The following RAB24 variants were observed in gnomAD, a reference collection of about 807,000 sequenced individuals.
RAB24 encodes the protein ras-related protein Rab-24.
A neutral mutation model predicts 31.4 loss-of-function variants in RAB24; 9 were observed. That is an observed-to-expected ratio of 0.29 (90% CI 0.17 to 0.50). The LOEUF (loss-of-function observed/expected upper bound fraction) is 0.50. Ranked by LOEUF, RAB24 falls within the 20% of genes least tolerant of loss-of-function variation. The pLI, the probability that RAB24 is intolerant of heterozygous loss-of-function variation, is 0.98. For synonymous variants in RAB24, 106 were observed against 94.1 expected (o/e 1.13, Z -0.73); for missense variants, 197 against 265.2 (o/e 0.74, Z 1.79).
Position 177,302,755 on chromosome 5 carries a change from A to C in RAB24, c.262T>G (p.Tyr88Asp). Residue 88 changes from tyrosine to aspartate, a missense_variant, in exon 3 of 8, where the codon TAT becomes GAT. Physicochemically the swap from Tyr to Asp is radical, Grantham distance 160. Transcript: ENST00000303251. ...YRGAKAAIVC[Y>D]DLTDSSSFER... ...CCCAAACCCCCCCCCCCCTTACCAT[A>C]GCAGACGATGGCAGCCTTGGCACCC... The C allele has an allele frequency of 8.2e-6, 5 of 612,272 alleles. No homozygotes were observed. The highest frequency in any genetic ancestry group is 4.6e-5 in the East Asian group (1 of 21,570). 37.9% of individuals were successfully genotyped at this position (612,272 alleles called of 1,614,324 possible).
intron 2 of RAB24, 32 bp downstream of exon 2, chr5:177,302,977 G>A (rs776195041): frequency 1.3e-5 from 21 of 1,609,520 alleles, no homozygotes; most frequent in East Asian, 2.2e-5. Flanking sequence ...TCAGGAATGA[G>A]TCTCCCAAGA....
chr5:177,301,722 C>T lies in RAB24; in HGVS notation c.*21G>A. On this transcript the variant is annotated 3_prime_UTR_variant, in exon 8 of 8. Transcript: ENST00000303251. ...CTTACGGGGAATTCCTTTAATTCCC[C>T]CAGGCCAGGTGAGTGCTGACTCAGT... The T allele has an allele frequency of 6.2e-7, 1 of 1,613,832 alleles. No individual in the cohort carries two copies. Among genetic ancestry groups the T allele is most frequent in the African/African-American group, 1.3e-5 (1 of 75,040 alleles).
At position 177,301,812 on chromosome 5, in the gene RAB24, CAAAA is replaced by C. The variant is rs1760663118; in HGVS notation, c.548-9_548-6del. 6.2e-7 allele frequency: 1 copy of C among 1,614,074 alleles called. No homozygotes were observed. The highest frequency in any genetic ancestry group is 1.3e-5 in the African/African-American group (1 of 74,922). On this transcript the variant is annotated splice_region_variant and splice_polypyrimidine_tract_variant and intron_variant, in intron 7 of 7. Transcript: ENST00000303251. ...CCAGATCCACGCCCTTGTCCTCTGT[CAAAA>C]AGAGAGGTGGCAGCTCAGCACCATT...
At position 177,302,659 on chromosome 5, in the gene RAB24, T is replaced by A; in HGVS notation, c.266-15A>T. 1 of 1,613,938 alleles carries A rather than the reference T, an allele frequency of 6.2e-7. No individual in the cohort carries two copies. On this transcript the variant is annotated splice_polypyrimidine_tract_variant and intron_variant, in intron 3 of 7. Coordinates refer to ENST00000303251, the MANE Select transcript of RAB24 (RefSeq NM_001031677.4). ...GTCTGTGAGGTCTTGGTGTGCGGCA[T>A]GCAGGAGACAACCAAGTGGTCAAGG...
rs1203602589 is a variant in RAB24 at position 177,301,654 on chromosome 5, A to G, written c.*89T>C. On this transcript the variant is annotated 3_prime_UTR_variant, in exon 8 of 8. Coordinates refer to ENST00000303251, the MANE Select transcript of RAB24 (RefSeq NM_001031677.4). ...CTGACATGAGGACCTGGGGTAGCTC[A>G]GACATTTGACTACCCAAGCCCAGAA... is the stretch of plus-strand genomic sequence containing the variant. The G allele has an allele frequency of 5.4e-6, 8 of 1,473,590 alleles. No individual in the cohort carries two copies. In the Admixed American group the frequency reaches 1.0e-4, roughly 19 times the overall value. 91.3% of individuals were successfully genotyped at this position (1,473,590 alleles called of 1,614,324 possible).
In RAB24 at chr5:177,301,359, A is replaced by G. The variant is rs566995271; in HGVS notation, c.*384T>C. The G allele has an allele frequency of 9.2e-6, 2 of 216,554 alleles. No individual in the cohort carries two copies. Among genetic ancestry groups the G allele is most frequent in the African/African-American group, 4.6e-5 (2 of 43,264 alleles). 13.4% of individuals were successfully genotyped at this position (216,554 alleles called of 1,614,324 possible). ...CCAAAGGAAAATGAGAGTTGGGAGG[A>G]GCCTTAATATAAGCAGTGAGGCCAG... is the stretch of plus-strand genomic sequence containing the variant. On this transcript the variant is annotated 3_prime_UTR_variant, in exon 8 of 8. Transcript: ENST00000303251.
In RAB24 at chr5:177,301,570, CCA is replaced by C. The variant is rs1663230093; in HGVS notation, c.*171_*172del. On this transcript the variant is annotated 3_prime_UTR_variant, in exon 8 of 8. Coordinates refer to ENST00000303251, the MANE Select transcript of RAB24 (RefSeq NM_001031677.4). ...AAATCAGCCTTATCCCTCCTCATGC[CCA>C]CAGTCAGCCCAATGCTGTCTCCGTT... 1 of 702,420 alleles carries C rather than the reference CCA, an allele frequency of 1.4e-6. No homozygotes were observed. The allele number at this position is 702,420 out of a possible 1,614,324, so 43.5% of individuals were successfully genotyped here.
In RAB24 at chr5:177,303,660, G is replaced by T. The variant is rs1053479940; in HGVS notation, c.-372C>A. 1.3e-5 allele frequency: 5 copies of T among 387,566 alleles called. No individual in the cohort carries two copies. The highest frequency in any genetic ancestry group is 4.3e-5 in the Admixed American group (1 of 23,298). 24.0% of individuals were successfully genotyped at this position (387,566 alleles called of 1,614,324 possible). A position where few individuals can be genotyped will look rare whatever the true frequency, so the allele number is the denominator to read the frequency against. The stretch of plus-strand genomic sequence containing the variant: ...GGCTGGGAATCCCAACCGAACCTGG[G>T]GTCTCCCGCAACCCGGCTCCTACCC... On this transcript the variant is annotated 5_prime_UTR_variant, in exon 1 of 8. Transcript: ENST00000303251. This position sits in a 1 kb window ranked among gnomAD's most constrained non-coding sequence, Gnocchi z 6.1.
chr5:177,302,781 C>G lies in RAB24; in HGVS notation c.236G>C (p.Arg79Pro). Residue 79 changes from arginine to proline, a missense_variant, in exon 3 of 8, where the codon CGG becomes CCG. By Grantham distance (103) the Arg-to-Pro change is moderately radical (BLOSUM62 -2). This residue lies in a region of RAB24 where 148 missense variants were observed against 159.7 expected (regional missense o/e 0.93). Transcript: ENST00000303251. ...RYEAMSRIYY[R>P]GAKAAIVCYD... ...GCAGACGATGGCAGCCTTGGCACCC[C>G]GATAGTAGATTCTACTCATGGCCTC... The G allele has an allele frequency of 6.4e-7, 1 of 1,555,452 alleles. No homozygotes were observed. The highest frequency in any genetic ancestry group is 8.8e-7 in the Non-Finnish European group (1 of 1,141,864).
Position 177,303,626 on chromosome 5 carries a change from C to G in RAB24, c.-338G>C. On this transcript the variant is annotated 5_prime_UTR_variant, in exon 1 of 8. Transcript: ENST00000303251. This position sits in a 1 kb window ranked among gnomAD's most constrained non-coding sequence, Gnocchi z 6.1. ...CATTCGCTCGCCTGCCCGGCTTAAG[C>G]TCCGTTCTGGCTGGGAATCCCAACC... The G allele has an allele frequency of 2.3e-6, 1 of 435,974 alleles. No individual in the cohort carries two copies. The highest frequency in any genetic ancestry group is 4.1e-6 in the Non-Finnish European group (1 of 243,608). The allele number at this position is 435,974 out of a possible 1,614,324, so 27.0% of individuals were successfully genotyped here.
chr5:177,301,813 A>G lies in RAB24; in HGVS notation c.548-6T>C, dbSNP rs920474937. 1 of 1,614,072 alleles carries G rather than the reference A, an allele frequency of 6.2e-7. No individual in the cohort carries two copies. The highest frequency in any genetic ancestry group is 8.5e-7 in the Non-Finnish European group (1 of 1,180,020). On this transcript the variant is annotated splice_region_variant and splice_polypyrimidine_tract_variant and intron_variant, in intron 7 of 7. Transcript: ENST00000303251. ...CAGATCCACGCCCTTGTCCTCTGTC[A>G]AAAAGAGAGGTGGCAGCTCAGCACC...
At position 177,302,598 on chromosome 5, in the gene RAB24, C is replaced by T; in HGVS notation, c.312G>A (p.Lys104=). The T allele has an allele frequency of 6.2e-7, 1 of 1,614,174 alleles. No individual in the cohort carries two copies. Among genetic ancestry groups the T allele is most frequent in the Non-Finnish European group, 8.5e-7 (1 of 1,180,028 alleles). The change falls in exon 4 of 8, where the codon AAG becomes AAA. Residue 104 remains lysine, a synonymous_variant. Coordinates refer to ENST00000303251, the MANE Select transcript of RAB24 (RefSeq NM_001031677.4). ...CTACCTCCTCTAGGCTGCGCAGTTC[C>T]TTCACCCAGAACTTTGCTCGCTCAA... ...SSFERAKFWV[K]ELRSLEEGCQ...
rs1760725458 is a variant in RAB24 at position 177,302,784 on chromosome 5, T to C, written c.233A>G (p.Tyr78Cys). 1 of 1,404,802 alleles carries C rather than the reference T, an allele frequency of 7.1e-7. No individual in the cohort carries two copies. Among genetic ancestry groups the C allele is most frequent in the Non-Finnish European group, 9.6e-7 (1 of 1,046,408 alleles). The allele number at this position is 1,404,802 out of a possible 1,614,324, so 87.0% of individuals were successfully genotyped here. A position where few individuals can be genotyped will look rare whatever the true frequency, so the allele number is the denominator to read the frequency against. ...ERYEAMSRIY[Y>C]RGAKAAIVCY... ...GACGATGGCAGCCTTGGCACCCCGATAGTAGATTCTACTCATGGCCTCATA... is the reference window on the plus strand; with the variant it reads ...GACGATGGCAGCCTTGGCACCCCGACAGTAGATTCTACTCATGGCCTCATA... Residue 78 changes from tyrosine to cysteine, a missense_variant, in exon 3 of 8, where the codon TAT becomes TGT. Physicochemically the swap from Tyr to Cys is radical, Grantham distance 194. Around this residue, in one of 2 missense-constraint regions of RAB24, gnomAD observed 148 missense variants for 159.7 expected, o/e 0.93. Coordinates refer to ENST00000303251, the MANE Select transcript of RAB24 (RefSeq NM_001031677.4).
intron 2 of RAB24, 87 bp from the exon 3 acceptor site, chr5:177,302,917 G>A: frequency 6.3e-7 from 1 of 1,587,242 alleles, no homozygotes; most frequent in Non-Finnish European, 8.6e-7. Context: ...TATGAGAAAT[G>A]GGTCTGTGAG....
At position 177,303,149 on chromosome 5, in the gene RAB24, C is replaced by A. The variant is rs1453383335; in HGVS notation, c.117+23G>T. 19 of 1,613,424 alleles carry A rather than the reference C, an allele frequency of 1.2e-5. No individual in the cohort carries two copies. Among genetic ancestry groups the A allele is most frequent in the Non-Finnish European group, 1.4e-5 (17 of 1,179,848 alleles). The stretch of plus-strand genomic sequence containing the variant: ...CCCCCCACTCCCCCGCCCACCGTGC[C>A]TGGCCCCTCCGGATGCACTCACGTT... On this transcript the variant is annotated intron_variant, in intron 1 of 7. Transcript: ENST00000303251. The surrounding 1 kb of genome is among the most constrained non-coding windows in gnomAD (Gnocchi z 6.1).
chr5:177,301,672 G>T lies in RAB24; in HGVS notation c.*71C>A. 1 of 1,558,748 alleles carries T rather than the reference G, an allele frequency of 6.4e-7. No individual in the cohort carries two copies. The highest frequency in any genetic ancestry group is 8.8e-7 in the Non-Finnish European group (1 of 1,131,144). On this transcript the variant is annotated 3_prime_UTR_variant, in exon 8 of 8. Coordinates refer to ENST00000303251, the MANE Select transcript of RAB24 (RefSeq NM_001031677.4). ...GTAGCTCAGACATTTGACTACCCAA[G>T]CCCAGAAAGGAGCTGGGTCCAGCCC...
rs1760758237 is a variant in RAB24 at position 177,303,503 on chromosome 5, A to T, written c.-215T>A. On this transcript the variant is annotated 5_prime_UTR_variant, in exon 1 of 8. Transcript: ENST00000303251. This position sits in a 1 kb window ranked among gnomAD's most constrained non-coding sequence, Gnocchi z 6.1. ...CCCCGCTGTTCGGCCCCGGGCGCCG[A>T]TTATCCTTCGAAGACCCCAAGCCTC... is the stretch of plus-strand genomic sequence containing the variant. The T allele has an allele frequency of 1.0e-5, 6 of 601,050 alleles. No individual in the cohort carries two copies. In the South Asian group the frequency reaches 1.2e-4, roughly 12 times the overall value. 37.2% of individuals were successfully genotyped at this position (601,050 alleles called of 1,614,324 possible). A position where few individuals can be genotyped will look rare whatever the true frequency, so the allele number is the denominator to read the frequency against.
Position 177,303,148 on chromosome 5 carries a change from C to T in RAB24, c.117+24G>A. On this transcript the variant is annotated intron_variant, in intron 1 of 7. Transcript: ENST00000303251. The surrounding 1 kb of genome is among the most constrained non-coding windows in gnomAD (Gnocchi z 6.1). ...GCCCCCCACTCCCCCGCCCACCGTGCCTGGCCCCTCCGGATGCACTCACGT... is the reference window on the plus strand; with the variant it reads ...GCCCCCCACTCCCCCGCCCACCGTGTCTGGCCCCTCCGGATGCACTCACGT... The T allele has an allele frequency of 6.2e-7, 1 of 1,613,150 alleles. No homozygotes were observed. The highest frequency in any genetic ancestry group is 8.5e-7 in the Non-Finnish European group (1 of 1,179,542).
In RAB24 at chr5:177,301,774, T is replaced by C. The variant is rs775604946; in HGVS notation, c.581A>G (p.Asn194Ser). Residue 194 changes from asparagine (N) to serine (S), a missense_variant, in exon 8 of 8, where the codon AAC (asparagine) becomes AGC (serine). By Grantham distance (46) the Asn-to-Ser change is conservative. Around this residue, in one of 2 missense-constraint regions of RAB24, gnomAD observed 148 missense variants for 159.7 expected, o/e 0.93. Transcript: ENST00000303251. ...DKGVDLGQKP[N>S]PYFYSCCHH ...ATGACAACAGCTGTAGAAGTAGGGG[T>C]TTGGCTTCTGGCCCAGATCCACGCC... The C allele has an allele frequency of 1.2e-6, 2 of 1,614,100 alleles. No individual in the cohort carries two copies. Among genetic ancestry groups the C allele is most frequent in the East Asian group, 4.5e-5 (2 of 44,882 alleles).
Sources: allele counts gnomAD v4.1 joint callset, GRCh38; gene constraint gnomAD v4.1.1; regional missense constraint gnomAD v4.1.1; non-coding constraint Gnocchi (gnomAD v3.1); transcripts MANE v1.5; gene names NCBI Gene and HGNC (gene_info 2026-07-23, HGNC 2026-07-21).